Variants in CCDC50 observed in about 807,000 individuals in gnomAD.
The protein encoded by CCDC50 is coiled-coil domain containing 50.
CCDC50 carries 54 observed loss-of-function variants against 70.2 expected under a neutral mutation model. The observed-to-expected ratio is 0.77, with a 90% CI of 0.62 to 0.96. The LOEUF (loss-of-function observed/expected upper bound fraction) is 0.96, where lower values mean the gene tolerates loss of function less well. Ranked by LOEUF, CCDC50 falls within the 50% of genes least tolerant of loss-of-function variation. CCDC50 has a pLI of 0.00. For synonymous variants in CCDC50, 216 were observed against 198.8 expected (o/e 1.09, Z -0.73); for missense variants, 558 against 578.7 (o/e 0.96, Z 0.37).
chr3:191,334,578 G>A (rs1718083317), intron 1 of CCDC50, among the ~76,000 whole-genome samples: 1 of 152,112 alleles, frequency 6.6e-6, no homozygotes, highest in Admixed American at 6.5e-5. Context: ...CTGAGGCTAA[G>A]TAGCTAGGAA....
At chr3:191,331,265 C>G (rs1235763463) in intron 1 of CCDC50, among the ~76,000 whole-genome samples, 1 of 152,116 alleles carries the variant, frequency 6.6e-6, no homozygotes, top group Non-Finnish European at 1.5e-5. Context: ...TCATATGGTG[C>G]TATGATTTTA....
intron 1 of CCDC50, among the ~76,000 whole-genome samples, chr3:191,336,753 A>G (rs1344438515): frequency 1.3e-5 from 2 of 152,194 alleles, no homozygotes; most frequent in Admixed American, 6.5e-5. Context: ...TACATTTGGA[A>G]AATTACAGAA....
intron 4 of CCDC50, among the ~76,000 whole-genome samples, chr3:191,365,744 CTT>C (rs945890322): frequency 2.0e-5 from 3 of 152,108 alleles, no homozygotes; most frequent in Non-Finnish European, 4.4e-5. Flanking sequence ...CAGATTTCCT[CTT>C]TTTGAAACTC....
chr3:191,376,349 A>G (rs550290710), intron 6 of CCDC50, among the ~76,000 whole-genome samples: 1 of 152,306 alleles, frequency 6.6e-6, no homozygotes, highest in South Asian at 2.1e-4. Flanking sequence ...CTTGGTACCT[A>G]TATAAGAATG....
At position 191,348,739 on chromosome 3, in the gene CCDC50, G is replaced by T. The variant is rs193141780; in HGVS notation, c.50-8349G>T. Reference sequence around the variant, plus strand: ...GATGGAACACCTATGTAGATTATTTGCTTAGCTTCAGCCAAAATTAGATGC... The same window carrying T: ...GATGGAACACCTATGTAGATTATTTTCTTAGCTTCAGCCAAAATTAGATGC... On this transcript the variant is annotated intron_variant, in intron 1 of 11. Coordinates refer to ENST00000392455, the MANE Select transcript of CCDC50 (RefSeq NM_178335.3). 5.7e-4 allele frequency among the ~76,000 whole-genome samples: 81 copies of T among 142,118 alleles called. 15 individuals carry two copies. The highest frequency in any genetic ancestry group is 4.9e-3 in the South Asian group (22 of 4,522). The allele number at this position is 142,118 out of a possible 152,430, so 93.2% of individuals were successfully genotyped here.
At chr3:191,389,141 C>G (rs1332413040) in intron 10 of CCDC50, among the ~76,000 whole-genome samples, 1 of 148,934 alleles carries the variant, frequency 6.7e-6, no homozygotes, top group Non-Finnish European at 1.5e-5. Flanking sequence ...CTTTTCTGTT[C>G]TTTATTCTGT....
chr3:191,377,749 TTATTTA>T (rs1002625967), intron 6 of CCDC50, among the ~76,000 whole-genome samples: 1 of 152,168 alleles, frequency 6.6e-6, no homozygotes, highest in African/African-American at 2.4e-5. Flanking sequence ...TTCTGTAAAT[TTATTTA>T]AGGCTGAAGT....
intron 6 of CCDC50, among the ~76,000 whole-genome samples, chr3:191,376,419 C>T (rs1187873710): frequency 6.6e-6 from 1 of 152,042 alleles, no homozygotes; most frequent in African/African-American, 2.4e-5. Context: ...ACTCTGAAGT[C>T]CATCATTGAC....
At chr3:191,380,305 A>T (rs748408867) in intron 7 of CCDC50, 31 bp downstream of exon 7, 1 of 1,341,712 alleles carries the variant, frequency 7.5e-7, no homozygotes, top group Non-Finnish European at 1.1e-6. Context: ...AAGTTTAGAT[A>T]TATTGATGGG....
Position 191,375,278 on chromosome 3 carries a change from A to C in CCDC50, c.665A>C (p.Gln222Pro), listed in dbSNP as rs1416746695. Residue 222 changes from glutamine to proline, a missense_variant, in exon 6 of 12, where the codon CAG becomes CCG. By Grantham distance (76) the Gln-to-Pro change is moderately conservative. Transcript: ENST00000392455. Reference protein sequence around the residue: ...GRDNPHINNEQHERKRSTQER... With the variant: ...GRDNPHINNEPHERKRSTQER... The stretch of plus-strand genomic sequence containing the variant: ...GACAATCCCCATATTAACAATGAGC[A>C]GCATGAAAGGAAACGGTCCACTCAG... The C allele has an allele frequency of 6.2e-7, 1 of 1,613,758 alleles. No individual in the cohort carries two copies. Among genetic ancestry groups the C allele is most frequent in the East Asian group, 2.2e-5 (1 of 44,862 alleles).
At chr3:191,331,783 C>T (rs900525881) in intron 1 of CCDC50, among the ~76,000 whole-genome samples, 2 of 152,128 alleles carry the variant, frequency 1.3e-5, no homozygotes, top group African/African-American at 4.8e-5. Flanking sequence ...CCCAGTTACT[C>T]CCTAACAGTG....
chr3:191,382,928 A>C, intron 10 of CCDC50, 103 bp downstream of exon 10: 1 of 814,500 alleles, frequency 1.2e-6, no homozygotes, highest in South Asian at 1.5e-5. Flanking sequence ...GAGGAGATCC[A>C]AAAATCTGCA....
In CCDC50 at chr3:191,380,161, A is replaced by G. The variant is rs770782284; in HGVS notation, c.979A>G (p.Met327Val). The change falls in exon 7 of 12, where the codon ATG becomes GTG. Residue 327 changes from methionine (M) to valine (V), a missense_variant and splice_region_variant. Met to Val is a conservative substitution (Grantham distance 21, BLOSUM62 1). Transcript: ENST00000392455. ...EEQLHLHDAG[M>V]KPRVMKEAVS... Reference sequence around the variant, plus strand: ...TGAGTTTTTTTTTTTTTTTAAAGGAATGAAGCCAAGAGTGATGAAAGAAGC... The same window carrying G: ...TGAGTTTTTTTTTTTTTTTAAAGGAGTGAAGCCAAGAGTGATGAAAGAAGC... 6.5e-7 allele frequency: 1 copy of G among 1,542,904 alleles called. No individual in the cohort carries two copies. The highest frequency in any genetic ancestry group is 1.2e-5 in the South Asian group (1 of 86,798).
intron 4 of CCDC50, among the ~76,000 whole-genome samples, chr3:191,367,971 G>A (rs985059779): frequency 6.6e-6 from 1 of 152,010 alleles, no homozygotes; most frequent in Admixed American, 6.6e-5. Context: ...AGATATTAAA[G>A]CTAAAGAATC....
chr3:191,357,676 G>T (rs1258477528), intron 2 of CCDC50, among the ~76,000 whole-genome samples: 1 of 152,134 alleles, frequency 6.6e-6, no homozygotes, highest in Admixed American at 6.6e-5. Flanking sequence ...TGAAAAATGC[G>T]GTTAATAAAT....
At chr3:191,360,551 G>A (rs930336030) in intron 3 of CCDC50, among the ~76,000 whole-genome samples, 2 of 152,186 alleles carry the variant, frequency 1.3e-5, no homozygotes, top group Non-Finnish European at 2.9e-5. Flanking sequence ...ATTACAATGA[G>A]TGAAGGAAAA....
At chr3:191,356,429 TC>T (rs2108647618) in intron 1 of CCDC50, among the ~76,000 whole-genome samples, 1 of 152,328 alleles carries the variant, frequency 6.6e-6, no homozygotes, top group South Asian at 2.1e-4. Flanking sequence ...GTTCCCATTT[TC>T]TTTTGGTTTG....
chr3:191,331,045 G>A (rs1183305332), intron 1 of CCDC50, among the ~76,000 whole-genome samples: 1 of 152,192 alleles, frequency 6.6e-6, no homozygotes, highest in South Asian at 2.1e-4. Context: ...GACTAAGGAG[G>A]CTGAGCGATA....
chr3:191,382,636 A>C, intron 9 of CCDC50, 110 bp from the exon 10 acceptor site: 5 of 719,862 alleles, frequency 6.9e-6, no homozygotes, highest in Non-Finnish European at 1.2e-5. Context: ...TTACTAAGGA[A>C]GAGCTTGGCA....
Sources: gnomAD v4.1 joint callset for allele counts (sites outside exome capture counted in the v4.1 genomes callset) on GRCh38, gnomAD v4.1.1 for gene constraint, MANE v1.5 for transcripts, NCBI Gene and HGNC (gene_info 2026-07-23, HGNC 2026-07-21) for gene names.